Variants in LRRK1 observed in about 807,000 individuals in gnomAD.
LRRK1 encodes the protein leucine-rich repeat serine/threonine-protein kinase 1.
In LRRK1, 113 loss-of-function variants were observed where a neutral mutation model predicts 209.1. The observed-to-expected ratio is 0.54, with a 90% confidence interval of 0.46 to 0.63. LRRK1 has a LOEUF of 0.63. Among genes scored for constraint, LRRK1 ranks in the 30% least tolerant of loss-of-function variants. The pLI, the probability that LRRK1 is intolerant of heterozygous loss-of-function variation, is 0.00. For synonymous variants in LRRK1, 1,144 were observed against 1,099.7 expected, an observed-to-expected ratio of 1.04 and a Z score of -0.80; for missense variants, 2,284 against 2,632.2, an observed-to-expected ratio of 0.87 and a Z score of 2.89.
At chr15:101,050,100 T>C (rs1157430548) in intron 23 of LRRK1, among the ~76,000 whole-genome samples, 1 of 152,112 alleles carries the variant, frequency 6.6e-6, no homozygotes, top group East Asian at 1.9e-4. Flanking sequence ...CAGTGTGAGC[T>C]CACACGTGTC....
chr15:101,022,056 G>A lies in LRRK1; in HGVS notation c.1852+99G>A. 1 of 821,192 alleles carries A rather than the reference G, an allele frequency of 1.2e-6. No homozygotes were observed. Among genetic ancestry groups the A allele is most frequent in the Non-Finnish European group, 1.9e-6 (1 of 516,924 alleles). The allele number at this position is 821,192 out of a possible 1,614,324, so 50.9% of individuals were successfully genotyped here. On this transcript the variant is annotated intron_variant, in intron 14 of 33. Transcript: ENST00000388948. This position sits in a 1 kb window ranked among gnomAD's most constrained non-coding sequence, Gnocchi z 4.0. ...GGGGTGGAGACAGTTGGTGACCCAT[G>A]GAGCCCAGCTCCAGGTTCCAGATTT... is the stretch of plus-strand genomic sequence containing the variant.
chr15:100,976,540 A>G (rs1031780503), intron 3 of LRRK1, among the ~76,000 whole-genome samples: 1 of 152,254 alleles, frequency 6.6e-6, no homozygotes, highest in Admixed American at 6.5e-5. Context: ...AAGGAAGGCT[A>G]TGGGAACTTA....
intron 24 of LRRK1, among the ~76,000 whole-genome samples, chr15:101,052,268 G>A (rs2035501905): frequency 6.6e-6 from 1 of 152,124 alleles, no homozygotes; most frequent in African/African-American, 2.4e-5. Context: ...CTCCTGAGCT[G>A]CCTCTCCTTT....
chr15:101,047,693 G>A (rs756010989), intron 21 of LRRK1, among the ~76,000 whole-genome samples: 41 of 150,380 alleles, frequency 2.7e-4, no homozygotes, highest in South Asian at 8.3e-4. Context: ...TCCCCAGCCC[G>A]GGGCACGGAG....
intron 22 of LRRK1, chr15:101,049,302 A>G (rs2035264566): frequency 4.4e-6 from 1 of 227,792 alleles, no homozygotes. Flanking sequence ...TTCCGCATAG[A>G]TGTTCTCACT....
intron 5 of LRRK1, among the ~76,000 whole-genome samples, chr15:100,989,029 G>T (rs2032021739): frequency 6.6e-6 from 1 of 152,254 alleles, no homozygotes; most frequent in African/African-American, 2.4e-5. Flanking sequence ...GACAGAGACT[G>T]ACTGTGGCTA....
chr15:101,014,353 C>G lies in LRRK1; in HGVS notation c.1457C>G (p.Ala486Gly). Residue 486 changes from alanine (A) to glycine (G), a missense_variant, in exon 11 of 34, where the codon GCG becomes GGG. Around this residue, in one of 6 missense-constraint regions of LRRK1, gnomAD observed 494 missense variants for 522.1 expected, o/e 0.95. Coordinates refer to ENST00000388948, the MANE Select transcript of LRRK1 (RefSeq NM_024652.6). The part of the protein sequence containing the change: ...MFLRLQGNQL[A>G]ALPPQEKWTC... ...TTGAGGTTACAGGGGAACCAGCTGG[C>G]GGCACTTCCACCTCAAGAGAAGTGG... The G allele has an allele frequency of 6.2e-7, 1 of 1,613,816 alleles. No homozygotes were observed. Among genetic ancestry groups the G allele is most frequent in the African/African-American group, 1.3e-5 (1 of 74,994 alleles).
intron 2 of LRRK1, among the ~76,000 whole-genome samples, chr15:100,949,103 C>G (rs1073643): frequency 0.38 from 57,119 of 151,686 alleles, 11,015 homozygotes; most frequent in East Asian, 0.52. Context: ...TTGAAAAAAC[C>G]AACGATTTTT....
In LRRK1 at chr15:100,938,025, A is replaced by AT. The variant is rs60742125; in HGVS notation, c.97+13310dup. Among the ~76,000 whole-genome samples the AT allele has an allele frequency of 5.9e-3, 823 of 140,240 alleles. 8 individuals carry two copies. Among genetic ancestry groups the AT allele is most frequent in the Middle Eastern group, 0.03 (8 of 270 alleles). 92.0% of individuals were successfully genotyped at this position (140,240 alleles called of 152,430 possible). On this transcript the variant is annotated intron_variant, in intron 2 of 33. Transcript: ENST00000388948. The stretch of plus-strand genomic sequence containing the variant: ...ACCACCATGCTTGGCTAATTTTTGT[A>AT]TTTTTTTTTTTTTTGTAGAGATGGG...
intron 2 of LRRK1, among the ~76,000 whole-genome samples, chr15:100,973,491 G>C (rs1332351414): frequency 3.3e-5 from 5 of 151,936 alleles, no homozygotes; most frequent in African/African-American, 9.7e-5. Flanking sequence ...CTCCGCTGCT[G>C]TCGGCGAGGT....
At chr15:100,938,718 A>ATACACTTAAATGTTT (rs2042347703) in intron 2 of LRRK1, among the ~76,000 whole-genome samples, 1 of 152,234 alleles carries the variant, frequency 6.6e-6, no homozygotes, top group East Asian at 1.9e-4. Flanking sequence ...TGTATGTTTA[A>ATACACTTAAATGTTT]AAGTGTATGT....
chr15:100,958,086 C>A (rs2042801840), intron 2 of LRRK1, among the ~76,000 whole-genome samples: 1 of 152,176 alleles, frequency 6.6e-6, no homozygotes, highest in South Asian at 2.1e-4. Context: ...AAACTCCTGA[C>A]CGCAAGTGAT....
At position 101,066,632 on chromosome 15, in the gene LRRK1, T is replaced by C. The variant is rs552436095; in HGVS notation, c.5769-8T>C. The C allele has an allele frequency of 6.2e-7, 1 of 1,613,914 alleles. No homozygotes were observed. Among genetic ancestry groups the C allele is most frequent in the African/African-American group, 1.3e-5 (1 of 75,058 alleles). ...AATCGCTTCCCCTTCTGGGTTTTGG[T>C]TGCTTAGGCGCGGTGGAGATGTTAT... On this transcript the variant is annotated splice_polypyrimidine_tract_variant and splice_region_variant and intron_variant, in intron 32 of 33. Coordinates refer to ENST00000388948, the MANE Select transcript of LRRK1 (RefSeq NM_024652.6).
rs762797401 is a variant in LRRK1 at position 101,010,508 on chromosome 15, C to T, written c.1048C>T (p.His350Tyr). 1.3e-5 allele frequency: 21 copies of T among 1,612,558 alleles called. No individual in the cohort carries two copies. Among genetic ancestry groups the T allele is most frequent in the Admixed American group, 6.7e-5 (4 of 59,858 alleles). Residue 350 changes from histidine (H) to tyrosine (Y), a missense_variant, in exon 8 of 34, where the codon CAC becomes TAC. Physicochemically the swap from His to Tyr is moderately conservative, Grantham distance 83. Transcript: ENST00000388948. ...GTCCCACCTCCCTCCTGGATTCTTG[C>T]ACCTCTCAAAACTTCAAAAACTGAC... ...KLSHLPPGFL[H>Y]LSKLQKLTAS...
chr15:100,956,778 T>A (rs1443508941), intron 2 of LRRK1, among the ~76,000 whole-genome samples: 1 of 152,178 alleles, frequency 6.6e-6, no homozygotes, highest in African/African-American at 2.4e-5. Context: ...TTTTCTATTA[T>A]CTATTTAGTC....
At chr15:101,063,319 C>T (rs1158475965) in intron 31 of LRRK1, among the ~76,000 whole-genome samples, 1 of 152,184 alleles carries the variant, frequency 6.6e-6, no homozygotes, top group African/African-American at 2.4e-5. Context: ...CCTGCTGGGC[C>T]CGGCACCCTC....
intron 28 of LRRK1, 71 bp from the exon 29 acceptor site, chr15:101,057,919 C>G (rs1752556848): frequency 5.8e-6 from 9 of 1,544,082 alleles, no homozygotes; most frequent in Non-Finnish European, 8.0e-6. Context: ...GCTGGCTGAT[C>G]TCATGGGCAG....
intron 2 of LRRK1, among the ~76,000 whole-genome samples, chr15:100,950,885 CG>C (rs1567196285): frequency 6.6e-6 from 1 of 151,374 alleles, no homozygotes; most frequent in Non-Finnish European, 1.5e-5. Flanking sequence ...GGGCAGATCA[CG>C]AGGTCAGGAG....
At chr15:100,974,052 C>T in intron 3 of LRRK1, 85 bp downstream of exon 3, 1 of 1,119,860 alleles carries the variant, frequency 8.9e-7, no homozygotes, top group Non-Finnish European at 1.1e-6. Context: ...TCGTTATTGT[C>T]ATAACGGTAA....
Sources: allele counts gnomAD v4.1 joint callset (sites outside exome capture counted in the v4.1 genomes callset), GRCh38; gene constraint gnomAD v4.1.1; regional missense constraint gnomAD v4.1.1; non-coding constraint Gnocchi (gnomAD v3.1); transcripts MANE v1.5; gene names NCBI Gene and HGNC (gene_info 2026-07-23, HGNC 2026-07-21).